CHST9: variants seen among roughly 807,000 people sequenced by gnomAD.
The protein encoded by CHST9 is carbohydrate sulfotransferase 9.
In CHST9, 41 loss-of-function variants were observed where a neutral mutation model predicts 44.4. The ratio of observed to expected loss-of-function variants is 0.92; its 90% CI spans 0.72 to 1.20. The LOEUF (loss-of-function observed/expected upper bound fraction) is 1.20. Among genes scored for constraint, CHST9 ranks in the 50% most tolerant of loss-of-function variants. The probability of loss-of-function intolerance (pLI) is 0.00; values close to 1 mark genes in which losing one functional copy is unlikely to be tolerated. For synonymous variants in CHST9, 171 were observed against 178.4 expected (o/e 0.96, Z 0.33); for missense variants, 504 against 516.5 (o/e 0.98, Z 0.23).
chr18:27,021,603 C>T (rs542218137), intron 4 of CHST9, among the ~76,000 whole-genome samples: 2 of 152,258 alleles, frequency 1.3e-5, no homozygotes, highest in Non-Finnish European at 2.9e-5. Context: ...TCAGGATGGG[C>T]TTTTAATTCC....
intron 4 of CHST9, among the ~76,000 whole-genome samples, chr18:27,019,539 C>T (rs751676373): frequency 5.3e-5 from 8 of 151,688 alleles, no homozygotes; most frequent in African/African-American, 9.7e-5. Context: ...GGCCTAGAGA[C>T]GTAAAGGAGT....
intron 1 of CHST9, among the ~76,000 whole-genome samples, chr18:27,182,447 T>C (rs1445327211): frequency 6.6e-6 from 1 of 152,192 alleles, no homozygotes; most frequent in African/African-American, 2.4e-5. Flanking sequence ...ACATCAATTA[T>C]TTGCAAAGTG....
intron 2 of CHST9, among the ~76,000 whole-genome samples, chr18:27,142,477 C>T (rs1342663898): frequency 6.6e-6 from 1 of 152,124 alleles, no homozygotes; most frequent in Non-Finnish European, 1.5e-5. Flanking sequence ...ACTGAGATAA[C>T]AAAAATTTCC....
intron 2 of CHST9, among the ~76,000 whole-genome samples, chr18:27,127,011 G>GT (rs1402677110): frequency 6.6e-6 from 1 of 152,174 alleles, no homozygotes; most frequent in Non-Finnish European, 1.5e-5. Context: ...ACAGTCTTAG[G>GT]TGGAGCCATT....
intron 5 of CHST9, chr18:26,936,119 G>A (rs1015542314): frequency 3.9e-5 from 6 of 152,122 alleles, no homozygotes; most frequent in Non-Finnish European, 8.8e-5. Context: ...AGATATCTGA[G>A]GGATCTGCCT....
chr18:27,096,717 C>T (rs2058120529), intron 2 of CHST9, among the ~76,000 whole-genome samples: 1 of 151,864 alleles, frequency 6.6e-6, no homozygotes, highest in African/African-American at 2.4e-5. Flanking sequence ...ATACAATCTC[C>T]CAAAATTGAA....
At chr18:26,975,649 GTATATATA>G (rs36030325) in intron 4 of CHST9, among the ~76,000 whole-genome samples, 2 of 126,920 alleles carry the variant, frequency 1.6e-5, no homozygotes, top group Admixed American at 8.3e-5. Flanking sequence ...ATGTATGTGT[GTATATATA>G]TATATATATA....
chr18:27,123,013 G>C (rs554100694), intron 2 of CHST9, among the ~76,000 whole-genome samples: 5 of 152,152 alleles, frequency 3.3e-5, no homozygotes, highest in Non-Finnish European at 7.4e-5. Context: ...GCTACTAAAT[G>C]GGTGTTCTTG....
chr18:27,091,572 G>T (rs1402740655), intron 2 of CHST9, among the ~76,000 whole-genome samples: 1 of 152,148 alleles, frequency 6.6e-6, no homozygotes, highest in Non-Finnish European at 1.5e-5. Flanking sequence ...GTATGATATT[G>T]GCTGTGGGTT....
intron 3 of CHST9, among the ~76,000 whole-genome samples, chr18:27,046,892 T>C (rs752240102): frequency 1.3e-5 from 2 of 151,990 alleles, no homozygotes; most frequent in Non-Finnish European, 2.9e-5. Context: ...TTAGTAAAAA[T>C]TCCACTAGTA....
intron 4 of CHST9, among the ~76,000 whole-genome samples, chr18:26,997,591 C>A (rs571535342): frequency 1.3e-4 from 20 of 152,236 alleles, no homozygotes; most frequent in African/African-American, 4.3e-4. Flanking sequence ...AAGAGTTCTG[C>A]AAATGGAGTT....
rs980939216 is a variant in CHST9 at position 26,914,160 on chromosome 18, G to A, written c.*2099C>T. On this transcript the variant is annotated 3_prime_UTR_variant, in exon 6 of 6. Coordinates refer to ENST00000618847, the MANE Select transcript of CHST9 (RefSeq NM_031422.6). ...CTCATCCCTCCTCTCCACCATCAAA[G>A]CCAAACATTTATATAGGTATGCATT... 2 of 152,102 alleles carry A rather than the reference G, an allele frequency of 1.3e-5. No homozygotes were observed. Among genetic ancestry groups the A allele is most frequent in the African/African-American group, 4.8e-5 (2 of 41,416 alleles). The allele number at this position is 152,102 out of a possible 1,614,324, so 9.4% of individuals were successfully genotyped here.
In CHST9 at chr18:26,979,210, C is replaced by T. The variant is rs571975050; in HGVS notation, c.203-34844G>A. Among the ~76,000 whole-genome samples the T allele has an allele frequency of 2.0e-4, 31 of 152,144 alleles. No homozygotes were observed. In the South Asian group the frequency reaches 6.0e-3, roughly 30 times the overall value. On this transcript the variant is annotated intron_variant, in intron 4 of 5. Transcript: ENST00000618847. Reference sequence around the variant, plus strand: ...GTGCCTTTTATCTTCTTGCTGGCAACCCCTTGCATCTTTCTTTCGTTTTAC... The same window carrying T: ...GTGCCTTTTATCTTCTTGCTGGCAATCCCTTGCATCTTTCTTTCGTTTTAC...
intron 3 of CHST9, among the ~76,000 whole-genome samples, chr18:27,037,999 T>C (rs914954072): frequency 1.3e-5 from 2 of 152,146 alleles, no homozygotes; most frequent in African/African-American, 4.8e-5. Context: ...ATACCAAGAA[T>C]AGGACATTAC....
At chr18:26,972,484 G>A (rs1446199569) in intron 4 of CHST9, among the ~76,000 whole-genome samples, 3 of 152,064 alleles carry the variant, frequency 2.0e-5, no homozygotes, top group Non-Finnish European at 4.4e-5. Context: ...GAGGGAGCAG[G>A]AGCGCAAAAG....
intron 2 of CHST9, among the ~76,000 whole-genome samples, chr18:27,127,263 G>GGGATGA (rs2058432464): frequency 6.6e-6 from 1 of 152,146 alleles, no homozygotes; most frequent in Admixed American, 6.5e-5. Context: ...CAATATCTAA[G>GGGATGA]GGATGAGAAA....
chr18:27,134,909 T>G (rs1320562140), intron 2 of CHST9, among the ~76,000 whole-genome samples: 1 of 152,158 alleles, frequency 6.6e-6, no homozygotes, highest in Non-Finnish European at 1.5e-5. Flanking sequence ...TCTGGGGAGA[T>G]AGTCAGAAAA....
intron 2 of CHST9, among the ~76,000 whole-genome samples, chr18:27,139,099 C>A (rs984248703): frequency 6.6e-6 from 1 of 152,032 alleles, no homozygotes; most frequent in Non-Finnish European, 1.5e-5. Flanking sequence ...TATATCAGAG[C>A]ATATTTCAGA....
At chr18:27,139,017 T>A (rs764839184) in intron 2 of CHST9, among the ~76,000 whole-genome samples, 1 of 152,228 alleles carries the variant, frequency 6.6e-6, no homozygotes, top group Non-Finnish European at 1.5e-5. Context: ...CATAATTGGA[T>A]AGATTTTAAT....
Sources: gnomAD v4.1 joint callset for allele counts (sites outside exome capture counted in the v4.1 genomes callset) on GRCh38, gnomAD v4.1.1 for gene constraint, MANE v1.5 for transcripts, NCBI Gene and HGNC (gene_info 2026-07-23, HGNC 2026-07-21) for gene names.